The following ZNRF1 variants were observed in gnomAD, a reference collection of about 807,000 sequenced individuals.
The protein encoded by ZNRF1 is E3 ubiquitin-protein ligase ZNRF1.
In ZNRF1, 3 loss-of-function variants were observed where a neutral mutation model predicts 18.4. That is an observed-to-expected ratio of 0.16 (90% CI 0.07 to 0.42). The LOEUF is 0.42. Among genes scored for constraint, ZNRF1 ranks in the 10% least tolerant of loss-of-function variants. The pLI, the probability that ZNRF1 is intolerant of heterozygous loss-of-function variation, is 0.99. For missense variants in ZNRF1, 310 were observed against 329.8 expected (o/e 0.94, Z 0.47); for synonymous variants, 157 against 144.2 (o/e 1.09, Z -0.64).
At chr16:75,028,766 A>G (rs1480566430) in intron 1 of ZNRF1, among the ~76,000 whole-genome samples, 2 of 152,256 alleles carry the variant, frequency 1.3e-5, no homozygotes, top group African/African-American at 2.4e-5. Flanking sequence ...TAAATCCAGT[A>G]GCCTATTGTC....
At chr16:75,010,594 A>G (rs936062794) in intron 1 of ZNRF1, among the ~76,000 whole-genome samples, 9 of 152,040 alleles carry the variant, frequency 5.9e-5, no homozygotes, top group Non-Finnish European at 1.3e-4. Context: ...GACTTGTCAT[A>G]GGAGTGCTCC....
At chr16:75,023,421 C>T (rs1027636654) in intron 1 of ZNRF1, among the ~76,000 whole-genome samples, 1 of 152,202 alleles carries the variant, frequency 6.6e-6, no homozygotes, top group East Asian at 1.9e-4. Context: ...CAGTGGCTCA[C>T]GCCTGTAAAC....
rs576187954 is a variant in ZNRF1 at position 75,089,149 on chromosome 16, C to G, written c.425-4423C>G. On this transcript the variant is annotated intron_variant, in intron 1 of 4. Transcript: ENST00000335325. Reference sequence around the variant, plus strand: ...ACAGGGTCTCACTCTGTTGGCCAGGCTGGAGTGTAGTGGCATGATCATGGC... The same window carrying G: ...ACAGGGTCTCACTCTGTTGGCCAGGGTGGAGTGTAGTGGCATGATCATGGC... Among the ~76,000 whole-genome samples, 8 of 151,864 alleles carry G rather than the reference C, an allele frequency of 5.3e-5. No homozygotes were observed. The Middle Eastern group carries it at 0.01, about 194-fold the overall frequency.
At chr16:75,026,185 A>G (rs898357789) in intron 1 of ZNRF1, among the ~76,000 whole-genome samples, 1 of 152,200 alleles carries the variant, frequency 6.6e-6, no homozygotes, top group East Asian at 1.9e-4. Context: ...TTTGAGTTGT[A>G]AAAGAACTCT....
intron 1 of ZNRF1, chr16:75,046,846 G>C (rs912384609): frequency 2.6e-5 from 4 of 154,240 alleles, no homozygotes; most frequent in African/African-American, 9.6e-5. Flanking sequence ...AAAGTGCTGG[G>C]ATTACAGGTG....
intron 1 of ZNRF1, among the ~76,000 whole-genome samples, chr16:75,042,294 ATATG>A (rs1239299197): frequency 9.9e-5 from 15 of 152,078 alleles, no homozygotes; most frequent in African/African-American, 3.1e-4. Flanking sequence ...TGCTTTTGGT[ATATG>A]TAAAAAAAAG....
Position 75,101,418 on chromosome 16 carries a change from G to A in ZNRF1, c.521-3366G>A, listed in dbSNP as rs537364682. On this transcript the variant is annotated intron_variant, in intron 2 of 4. Coordinates refer to ENST00000335325, the MANE Select transcript of ZNRF1 (RefSeq NM_032268.5). ...AAAACACAAAAATTAGCCGGGTGTG[G>A]TGGCATGCACCTGTAGTCCCAGCTA... Among the ~76,000 whole-genome samples, 13 of 152,268 alleles carry A rather than the reference G, an allele frequency of 8.5e-5. No individual in the cohort carries two copies. The South Asian group carries it at 2.7e-3, about 32-fold the overall frequency.
intron 2 of ZNRF1, among the ~76,000 whole-genome samples, chr16:75,100,277 T>C (rs1405024386): frequency 6.6e-6 from 1 of 152,192 alleles, no homozygotes; most frequent in Non-Finnish European, 1.5e-5. Context: ...AAAACCGCCT[T>C]GTGGAGTGGT....
In ZNRF1 at chr16:75,106,584, T is replaced by C; in HGVS notation, c.*32+13T>C. The C allele has an allele frequency of 1.9e-6, 3 of 1,612,036 alleles. No homozygotes were observed. The highest frequency in any genetic ancestry group is 2.5e-6 in the Non-Finnish European group (3 of 1,178,348). ...ACTCCTCTCAAAGGTGAGCCCGCGTTTGGGGGTGCTCCGGGCTCAAGGCTT... is the reference window on the plus strand; with the variant it reads ...ACTCCTCTCAAAGGTGAGCCCGCGTCTGGGGGTGCTCCGGGCTCAAGGCTT... On this transcript the variant is annotated intron_variant, in intron 4 of 4. Transcript: ENST00000335325.
chr16:75,036,025 T>C (rs8064017), intron 1 of ZNRF1, among the ~76,000 whole-genome samples: 2 of 152,072 alleles, frequency 1.3e-5, no homozygotes, highest in African/African-American at 4.8e-5. Context: ...TTAGGGGGAC[T>C]GCTTAACAAC....
chr16:75,037,304 T>G (rs965839616), intron 1 of ZNRF1, among the ~76,000 whole-genome samples: 8 of 152,134 alleles, frequency 5.3e-5, no homozygotes, highest in Non-Finnish European at 1.2e-4. Flanking sequence ...CGGGAAGTAC[T>G]CAGTTTTAAT....
chr16:75,093,820 T>G (rs944740753), intron 2 of ZNRF1, among the ~76,000 whole-genome samples, 153 bp downstream of exon 2: 2 of 152,178 alleles, frequency 1.3e-5, no homozygotes, highest in African/African-American at 4.8e-5. Context: ...AAGTGGACTG[T>G]TCTGGGAGCC....
intron 1 of ZNRF1, among the ~76,000 whole-genome samples, chr16:75,088,259 C>T (rs1171758628): frequency 2.0e-5 from 3 of 152,154 alleles, no homozygotes; most frequent in African/African-American, 4.8e-5. Flanking sequence ...CATCGGATGA[C>T]ATTTCAGGAA....
chr16:75,077,188 C>G (rs539185774), intron 1 of ZNRF1, among the ~76,000 whole-genome samples: 4 of 152,148 alleles, frequency 2.6e-5, no homozygotes, highest in Non-Finnish European at 5.9e-5. Flanking sequence ...GTCAGGAGAT[C>G]GAGACCGTCC....
At chr16:75,106,655 C>T in intron 4 of ZNRF1, 84 bp downstream of exon 4, 1 of 1,071,924 alleles carries the variant, frequency 9.3e-7, no homozygotes, top group Non-Finnish European at 1.4e-6. Flanking sequence ...AGCCGGGCTG[C>T]CCTTATGCCA....
At chr16:75,032,104 G>GTTTTTTTTTTTTTTTTTTTTTT (rs1162819265) in intron 1 of ZNRF1, among the ~76,000 whole-genome samples, 1 of 108,650 alleles carries the variant, frequency 9.2e-6, no homozygotes, top group African/African-American at 4.2e-5. Flanking sequence ...TTCTTGTGAG[G>GTTTTTTTTTTTTTTTTTTTTTT]TTTTTTTTTT....
intron 1 of ZNRF1, among the ~76,000 whole-genome samples, chr16:75,073,813 C>T (rs1412601803): frequency 6.6e-6 from 1 of 152,020 alleles, no homozygotes. Flanking sequence ...TTCTGATTGA[C>T]CTGTGTGAGG....
At chr16:75,007,870 C>G (rs1344923876) in intron 1 of ZNRF1, among the ~76,000 whole-genome samples, 1 of 151,764 alleles carries the variant, frequency 6.6e-6, no homozygotes, top group Non-Finnish European at 1.5e-5. Flanking sequence ...GTTTTTTCTT[C>G]TTATTTTTCT....
intron 2 of ZNRF1, among the ~76,000 whole-genome samples, chr16:75,094,871 C>T (rs1159590122): frequency 1.3e-5 from 2 of 152,198 alleles, no homozygotes; most frequent in African/African-American, 2.4e-5. Flanking sequence ...TACTGGCCCA[C>T]CTTCCCAGAT....
Sources: allele counts gnomAD v4.1 joint callset (sites outside exome capture counted in the v4.1 genomes callset), GRCh38; gene constraint gnomAD v4.1.1; transcripts MANE v1.5; gene names NCBI Gene and HGNC (gene_info 2026-07-23, HGNC 2026-07-21).